Variants in ABCA12 observed in about 807,000 individuals in gnomAD.
ABCA12 encodes ATP binding cassette subfamily A member 12.
In ABCA12, 156 loss-of-function variants were observed where a neutral mutation model predicts 293.5. The observed-to-expected ratio is 0.53, with a 90% CI of 0.47 to 0.61. The LOEUF is 0.61. Ranked by LOEUF, ABCA12 falls within the 20% of genes least tolerant of loss-of-function variation. The pLI, the probability that ABCA12 is intolerant of heterozygous loss-of-function variation, is 0.00. For missense variants in ABCA12, 2,797 were observed against 3,090.2 expected (o/e 0.91, Z 2.25); for synonymous variants, 1,063 against 1,108.0 (o/e 0.96, Z 0.81).
At position 214,970,394 on chromosome 2, in the gene ABCA12, G is replaced by A. The variant is rs1213146856; in HGVS notation, c.5569C>T (p.Pro1857Ser). The A allele has an allele frequency of 2.5e-6, 4 of 1,613,060 alleles. No homozygotes were observed. The highest frequency in any genetic ancestry group is 1.7e-6 in the Non-Finnish European group (2 of 1,179,334). The change falls in exon 37 of 53, where the codon CCT becomes TCT. Residue 1857 changes from proline to serine, a missense_variant. By Grantham distance (74) the Pro-to-Ser change is moderately conservative (BLOSUM62 -1). Coordinates refer to ENST00000272895, the MANE Select transcript of ABCA12 (RefSeq NM_173076.3). ...TGCGGTGGGGAATAGTTAAATTTAG[G>A]ACATTCCTGGAAAATAAAGTTAAAA... ...CSCSENVQEC[P>S]KFNYSPPHRR...
chr2:215,022,492 C>T (rs145635279), intron 11 of ABCA12: 1 of 152,184 alleles, frequency 6.6e-6, no homozygotes, highest in Non-Finnish European at 1.5e-5. Flanking sequence ...GTTCTAGAAG[C>T]TTCACAGATC....
At position 215,019,588 on chromosome 2, in the gene ABCA12, C is replaced by CT; in HGVS notation, c.1495dup (p.Arg499LysfsTer12). 1 of 1,614,188 alleles carries CT rather than the reference C, an allele frequency of 6.2e-7. No individual in the cohort carries two copies. Among genetic ancestry groups the CT allele is most frequent in the East Asian group, 2.2e-5 (1 of 44,890 alleles). On this transcript the variant is annotated frameshift_variant, in exon 12 of 53. Coordinates refer to ENST00000272895, the MANE Select transcript of ABCA12 (RefSeq NM_173076.3). LOFTEE classifies it high-confidence loss of function. The stretch of plus-strand genomic sequence containing the variant: ...GCTTGGATCTCCAGTCAGCAAATCT[C>CT]TCACTTTTTTAGATATGACATTGTC...
chr2:214,958,369 C>A lies in ABCA12; in HGVS notation c.6025G>T (p.Val2009Leu). The change falls in exon 41 of 53, where the codon GTA (valine) becomes TTA (leucine). Residue 2009 changes from valine (V) to leucine (L), a missense_variant. Transcript: ENST00000272895. The stretch of plus-strand genomic sequence containing the variant: ...TTGGCTTTGGTTTGATGTTCCCTTA[C>A]AACATAGGTGACAAAGCTGGCGGTG... ...VTTASFVTYV[V>L]REHQTKAKQL... 3 of 1,613,990 alleles carry A rather than the reference C, an allele frequency of 1.9e-6. No homozygotes were observed. The highest frequency in any genetic ancestry group is 2.5e-6 in the Non-Finnish European group (3 of 1,179,936).
chr2:215,060,498 G>A (rs1701508061), intron 3 of ABCA12, among the ~76,000 whole-genome samples: 1 of 151,796 alleles, frequency 6.6e-6, no homozygotes, highest in South Asian at 2.1e-4. Flanking sequence ...TCCAATTCAT[G>A]TATCTCTTTG....
At chr2:214,933,218 C>A (rs1392536580) in intron 52 of ABCA12, among the ~76,000 whole-genome samples, 2 of 152,056 alleles carry the variant, frequency 1.3e-5, no homozygotes, top group African/African-American at 4.8e-5. Flanking sequence ...GTTCAGTAAG[C>A]CAATTACTTA....
chr2:215,001,770 A>T, intron 20 of ABCA12, 33 bp from the exon 21 acceptor site: 1 of 1,590,024 alleles, frequency 6.3e-7, no homozygotes, highest in Non-Finnish European at 8.6e-7. Context: ...ACAAAAAAAA[A>T]TTATGGTCCT....
At chr2:214,937,905 C>T (rs746979932) in intron 50 of ABCA12, among the ~76,000 whole-genome samples, 33 of 152,176 alleles carry the variant, frequency 2.2e-4, no homozygotes, top group Non-Finnish European at 4.4e-4. Flanking sequence ...ATTCATAAAT[C>T]GGCAATGGAT....
intron 47 of ABCA12, chr2:214,947,826 T>C (rs1458472365): frequency 6.9e-6 from 3 of 433,962 alleles, no homozygotes; most frequent in Non-Finnish European, 1.3e-5. Flanking sequence ...CAATTGCAGA[T>C]TGAACTTTTT....
intron 22 of ABCA12, chr2:214,999,726 C>T (rs2038956): frequency 1 from 828,910 of 829,744 alleles, 414,042 homozygotes; most frequent in East Asian, 1. Flanking sequence ...AGCACAGTCC[C>T]GTCCACAACA....
intron 7 of ABCA12, among the ~76,000 whole-genome samples, chr2:215,039,866 T>A: frequency 6.6e-6 from 1 of 152,248 alleles, no homozygotes; most frequent in African/African-American, 2.4e-5. Flanking sequence ...CAATATTTAA[T>A]AAATATAAAA....
chr2:215,003,840 G>A (rs909620313), intron 20 of ABCA12, among the ~76,000 whole-genome samples: 2 of 151,944 alleles, frequency 1.3e-5, no homozygotes, highest in African/African-American at 4.8e-5. Flanking sequence ...GCTAGTTTTT[G>A]TATTTTTAGT....
chr2:215,082,193 C>T (rs989443404), intron 2 of ABCA12, among the ~76,000 whole-genome samples: 46 of 151,578 alleles, frequency 3.0e-4, no homozygotes, highest in Non-Finnish European at 4.4e-4. Flanking sequence ...TACAGGTGCC[C>T]GCCACCGTGC....
chr2:215,040,797 G>A (rs1701083679), intron 7 of ABCA12, among the ~76,000 whole-genome samples: 1 of 151,490 alleles, frequency 6.6e-6, no homozygotes, highest in Non-Finnish European at 1.5e-5. Context: ...GGGCCACAGA[G>A]GGAGACTCCG....
rs75144929 is a variant in ABCA12 at position 215,032,187 on chromosome 2, C to G, written c.986-291G>C. ...CCACTACATTATTTTATCCCAGGACCTGCATATGCAGATGACTGCTAAGTA... is the reference window on the plus strand; with the variant it reads ...CCACTACATTATTTTATCCCAGGACGTGCATATGCAGATGACTGCTAAGTA... On this transcript the variant is annotated intron_variant, in intron 8 of 52. Transcript: ENST00000272895. The G allele has an allele frequency of 7.4e-3, 7,748 of 1,049,948 alleles. 568 individuals are homozygous for G. The East Asian group carries it at 0.18, about 25-fold the overall frequency. 65.0% of individuals were successfully genotyped at this position (1,049,948 alleles called of 1,614,324 possible).
chr2:215,022,576 T>G (rs531680739), intron 11 of ABCA12: 1 of 152,336 alleles, frequency 6.6e-6, no homozygotes, highest in African/African-American at 2.4e-5. Flanking sequence ...GATTGCAGAT[T>G]TGCCAAAGCT....
rs370622140 is a variant in ABCA12, at chr2:214,950,350, G to A, written c.6852+529C>T. 2.2e-4 allele frequency among the ~76,000 whole-genome samples: 32 copies of A among 145,444 alleles called. No individual in the cohort carries two copies. The East Asian group carries it at 6.1e-3, about 28-fold the overall frequency. ...TATACATATATATGTGTATATGTGT[G>A]TGTATATATATATATGTGTGTGTAT... On this transcript the variant is annotated intron_variant, in intron 45 of 52. Coordinates refer to ENST00000272895, the MANE Select transcript of ABCA12 (RefSeq NM_173076.3).
chr2:214,945,892 T>C (rs970480441), intron 48 of ABCA12, among the ~76,000 whole-genome samples: 2 of 151,938 alleles, frequency 1.3e-5, no homozygotes, highest in African/African-American at 4.8e-5. Context: ...CTCATAGAAG[T>C]GGAGAGTAGA....
intron 29 of ABCA12, 103 bp downstream of exon 29, chr2:214,983,544 A>T: frequency 9.8e-7 from 1 of 1,019,268 alleles, no homozygotes. Context: ...TTATTTCGTG[A>T]GAAAATATTT....
intron 1 of ABCA12, among the ~76,000 whole-genome samples, chr2:215,117,585 G>A: frequency 6.6e-6 from 1 of 152,144 alleles, no homozygotes; most frequent in East Asian, 1.9e-4. Context: ...TTTGGGCAAA[G>A]CATATAATTT....
Sources: gnomAD v4.1 joint callset for allele counts (sites outside exome capture counted in the v4.1 genomes callset) on GRCh38, gnomAD v4.1.1 for gene constraint, MANE v1.5 for transcripts, NCBI Gene and HGNC (gene_info 2026-07-23, HGNC 2026-07-21) for gene names.